Variants in PFKFB1 observed in about 807,000 individuals in gnomAD.
PFKFB1 encodes 6-phosphofructo-2-kinase/fructose-2,6-biphosphatase 1, also known as 6-phosphofructo-2-kinase/fructose-2,6-bisphosphatase 1.
In PFKFB1, 34 loss-of-function variants were observed where a neutral mutation model predicts 46.4. That is an observed-to-expected ratio of 0.73 (90% CI 0.56 to 0.98). PFKFB1 has a LOEUF of 0.98. Ranked by LOEUF, PFKFB1 falls within the 50% of genes least tolerant of loss-of-function variation. The pLI, the probability that PFKFB1 is intolerant of heterozygous loss-of-function variation, is 0.00. For missense variants in PFKFB1, 393 were observed against 376.3 expected (o/e 1.04, Z -0.37); for synonymous variants, 119 against 133.8 (o/e 0.89, Z 0.76).
chrX:54,958,783 G>T, intron 5 of PFKFB1, 68 bp downstream of exon 5: 1 of 735,013 alleles, frequency 1.4e-6, no homozygotes, highest in Non-Finnish European at 2.1e-6. Context: ...TGAGTCCCCT[G>T]GTTTGCCTTT....
At chrX:54,947,236 G>A (rs1475779614) in intron 9 of PFKFB1, among the ~76,000 whole-genome samples, 1 of 111,551 alleles carries the variant, frequency 9.0e-6, no homozygotes, top group Non-Finnish European at 1.9e-5. Context: ...TAGGTGTCCT[G>A]CCCCAAAGTC....
Position 54,951,991 on chromosome X carries a change from T to C in PFKFB1, c.760A>G (p.Ile254Val). Residue 254 changes from isoleucine (I) to valine (V), a missense_variant, in exon 8 of 14, where the codon ATC (isoleucine) becomes GTC (valine). By Grantham distance (29) the Ile-to-Val change is conservative. Coordinates refer to ENST00000375006, the MANE Select transcript of PFKFB1 (RefSeq NM_002625.4). ...CTCTCGCCATGTCGGCAAAGGTAGA[T>C]GGAGCGAGGTGTGACATGGATATTC... ...LMNIHVTPRS[I>V]YLCRHGESEL... is the part of the protein sequence containing the mutation. The C allele has an allele frequency of 1.7e-6, 2 of 1,210,831 alleles. No individual in the cohort carries two copies. Among genetic ancestry groups the C allele is most frequent in the Admixed American group, 2.2e-5 (1 of 46,016 alleles).
At chrX:54,968,850 G>A (rs1934554490) in intron 1 of PFKFB1, among the ~76,000 whole-genome samples, 1 of 110,509 alleles carries the variant, frequency 9.0e-6, no homozygotes, top group South Asian at 3.8e-4. Context: ...TAGAAGACAG[G>A]AAAATACATA....
intron 1 of PFKFB1, among the ~76,000 whole-genome samples, chrX:54,986,557 T>C (rs1935118694): frequency 9.0e-6 from 1 of 111,611 alleles, no homozygotes; most frequent in Non-Finnish European, 1.9e-5. Context: ...CTGGCAGAAT[T>C]GAAGGGAGAA....
chrX:54,991,977 T>G (rs1935253823), intron 1 of PFKFB1, among the ~76,000 whole-genome samples: 1 of 112,118 alleles, frequency 8.9e-6, no homozygotes, highest in African/African-American at 3.2e-5. Context: ...AAAAAGGTGA[T>G]TCAGACCTTA....
At chrX:54,998,256 A>C, upstream of PFKFB1, 1 of 481,517 alleles carries the variant, frequency 2.1e-6, no homozygotes, top group South Asian at 3.1e-5. Context: ...TAAATAGGTT[A>C]CATATAGATA....
At chrX:54,970,243 T>A (rs185433146) in intron 1 of PFKFB1, among the ~76,000 whole-genome samples, 459 of 111,648 alleles carry the variant, frequency 4.1e-3, no homozygotes, top group Non-Finnish European at 7.7e-3. Context: ...CTAGTACCAA[T>A]AAGCAAGTTT....
chrX:54,944,060 TGATTTTA>T (rs1198796589), intron 10 of PFKFB1, among the ~76,000 whole-genome samples: 1 of 111,450 alleles, frequency 9.0e-6, no homozygotes, highest in Non-Finnish European at 1.9e-5. Flanking sequence ...GTAGAGATAT[TGATTTTA>T]GATTTTGTTA....
In PFKFB1 at chrX:54,960,884, A is replaced by G; in HGVS notation, c.257T>C (p.Val86Ala). 1 of 1,191,795 alleles carries G rather than the reference A, an allele frequency of 8.4e-7. No individual in the cohort carries two copies. The highest frequency in any genetic ancestry group is 1.1e-6 in the Non-Finnish European group (1 of 880,220). Reference sequence around the variant, plus strand: ...AAAGAATTCATAGTTCTTGTAGCTCACTGCCTCTCGTCGATACTGGCCTAA... The same window carrying G: ...AAAGAATTCATAGTTCTTGTAGCTCGCTGCCTCTCGTCGATACTGGCCTAA... Reference protein sequence around the residue: ...FNLGQYRREAVSYKNYEFFLP... With the variant: ...FNLGQYRREAASYKNYEFFLP... Residue 86 changes from valine (V) to alanine (A), a missense_variant, in exon 3 of 14, where the codon GTG becomes GCG. By Grantham distance (64) the Val-to-Ala change is moderately conservative. Transcript: ENST00000375006.
At chrX:54,954,799 G>A (rs888100967) in intron 7 of PFKFB1, among the ~76,000 whole-genome samples, 1 of 112,099 alleles carries the variant, frequency 8.9e-6, no homozygotes, top group African/African-American at 3.2e-5. Context: ...GTTCAGGGCT[G>A]GGACCTGATG....
At chrX:54,935,614 G>C (rs1017017080) in intron 11 of PFKFB1, among the ~76,000 whole-genome samples, 3 of 112,399 alleles carry the variant, frequency 2.7e-5, no homozygotes, top group Non-Finnish European at 5.6e-5. Context: ...CAAGAGGTGG[G>C]GACAGTAAGC....
At chrX:54,964,454 C>G (rs1005749086) in intron 1 of PFKFB1, among the ~76,000 whole-genome samples, 1 of 112,267 alleles carries the variant, frequency 8.9e-6, no homozygotes, top group Non-Finnish European at 1.9e-5. Context: ...AAGAGAAAAG[C>G]AATCATTAGG....
chrX:54,951,884 GGTGTGT>G lies in PFKFB1; in HGVS notation c.846+15_846+20del. 8.6e-7 allele frequency: 1 copy of G among 1,167,246 alleles called. No homozygotes were observed. Among genetic ancestry groups the G allele is most frequent in the Non-Finnish European group, 1.2e-6 (1 of 867,410 alleles). ...TAGGACAGCCCAGCCAACCCATCTGGGTGTGTGTGGCCCACCCTACCTGCTTGCCGC... is the reference window on the plus strand; with the variant it reads ...TAGGACAGCCCAGCCAACCCATCTGGGTGGCCCACCCTACCTGCTTGCCGC... On this transcript the variant is annotated intron_variant, in intron 8 of 13. Transcript: ENST00000375006.
At chrX:54,989,992 GGCCA>G (rs1308645712) in intron 1 of PFKFB1, among the ~76,000 whole-genome samples, 18 of 111,347 alleles carry the variant, frequency 1.6e-4, no homozygotes, top group Non-Finnish European at 2.5e-4. Flanking sequence ...AAATTCATAT[GGCCA>G]TACGATTGTG....
chrX:54,998,613 A>G (rs1007076948), upstream of PFKFB1: 4 of 429,341 alleles, frequency 9.3e-6, no homozygotes, highest in African/African-American at 4.9e-5. Context: ...TAGTTGCCAA[A>G]GACGTTCCTG....
intron 11 of PFKFB1, among the ~76,000 whole-genome samples, chrX:54,937,269 A>G (rs1477581341): frequency 8.9e-6 from 1 of 111,822 alleles, no homozygotes; most frequent in African/African-American, 3.3e-5. Context: ...GGCTTTGAAA[A>G]TGTTAGCTAA....
At chrX:54,935,642 C>T (rs763396714) in intron 11 of PFKFB1, among the ~76,000 whole-genome samples, 1 of 112,386 alleles carries the variant, frequency 8.9e-6, no homozygotes, top group African/African-American at 3.2e-5. Flanking sequence ...ATGGTCTCAG[C>T]CAACTGAGGC....
chrX:54,955,730 C>T (rs1357018723), intron 7 of PFKFB1, among the ~76,000 whole-genome samples: 1 of 112,046 alleles, frequency 8.9e-6, no homozygotes, highest in Admixed American at 9.5e-5. Flanking sequence ...CTCTCTAAGA[C>T]TCAATTTCTT....
chrX:54,961,295 T>C (rs1206051960), intron 2 of PFKFB1, among the ~76,000 whole-genome samples: 1 of 111,301 alleles, frequency 9.0e-6, no homozygotes, highest in Non-Finnish European at 1.9e-5. Flanking sequence ...AGTGGAAAGA[T>C]GAAGAAATGG....
Sources: gnomAD v4.1 joint callset for allele counts (sites outside exome capture counted in the v4.1 genomes callset) on GRCh38, gnomAD v4.1.1 for gene constraint, MANE v1.5 for transcripts, NCBI Gene and HGNC (gene_info 2026-07-23, HGNC 2026-07-21) for gene names.